The following BAZ2A variants were observed in gnomAD, a reference collection of about 807,000 sequenced individuals.
BAZ2A encodes the protein bromodomain adjacent to zinc finger domain protein 2A.
BAZ2A carries 34 observed loss-of-function variants against 199.9 expected under a neutral mutation model. The observed-to-expected ratio is 0.17, with a 90% confidence interval of 0.13 to 0.23. BAZ2A has a LOEUF of 0.23. Ranked by LOEUF, BAZ2A falls within the 10% of genes least tolerant of loss-of-function variation. BAZ2A has a pLI of 1.00. For synonymous variants in BAZ2A, 857 were observed against 883.9 expected, an observed-to-expected ratio of 0.97 and a Z score of 0.54; for missense variants, 2,002 against 2,391.1, an observed-to-expected ratio of 0.84 and a Z score of 3.39.
chr12:56,630,546 C>T (rs1048913403), upstream of BAZ2A, among the ~76,000 whole-genome samples: 7 of 152,246 alleles, frequency 4.6e-5, no homozygotes, highest in Non-Finnish European at 1.0e-4. Flanking sequence ...ACAGGGCAAA[C>T]TGAAAGGCAT....
In BAZ2A at chr12:56,595,802, C is replaced by G. The variant is rs908488982; in HGVS notation, c.*2816G>C. ...GCACTAATGACCCTTTCCATCCACA[C>G]AGAGGGTATGGAACAGGAGCCCCTG... On this transcript the variant is annotated 3_prime_UTR_variant, in exon 29 of 29. Coordinates refer to ENST00000549884, the MANE Select transcript of BAZ2A (RefSeq NM_001300905.2). 3.3e-5 allele frequency: 5 copies of G among 152,604 alleles called. No individual in the cohort carries two copies. Among genetic ancestry groups the G allele is most frequent in the Non-Finnish European group, 5.9e-5 (4 of 68,052 alleles). 9.5% of individuals were successfully genotyped at this position (152,604 alleles called of 1,614,324 possible).
chr12:56,628,139 A>G (rs1951167680), intron 1 of BAZ2A, among the ~76,000 whole-genome samples: 1 of 137,010 alleles, frequency 7.3e-6, no homozygotes, highest in Non-Finnish European at 1.5e-5. Context: ...ACAAGATCAC[A>G]CCACTCCAGC....
At chr12:56,625,005 C>A (rs1951035425) in intron 1 of BAZ2A, among the ~76,000 whole-genome samples, 1 of 152,146 alleles carries the variant, frequency 6.6e-6, no homozygotes, top group East Asian at 1.9e-4. Context: ...ATTAAAGAAA[C>A]TACAGGTTAA....
At position 56,595,853 on chromosome 12, in the gene BAZ2A, A is replaced by G. The variant is rs1328572042; in HGVS notation, c.*2765T>C. ...TTGTTCCCTTGCCTGTGGTCTCTTAAGCCAGTCATACCTATCCCAACGCCG... is the reference window on the plus strand; with the variant it reads ...TTGTTCCCTTGCCTGTGGTCTCTTAGGCCAGTCATACCTATCCCAACGCCG... On this transcript the variant is annotated 3_prime_UTR_variant, in exon 29 of 29. Coordinates refer to ENST00000549884, the MANE Select transcript of BAZ2A (RefSeq NM_001300905.2). The G allele has an allele frequency of 6.7e-6, 1 of 148,408 alleles. No individual in the cohort carries two copies. The highest frequency in any genetic ancestry group is 1.9e-4 in the East Asian group (1 of 5,182). 9.2% of individuals were successfully genotyped at this position (148,408 alleles called of 1,614,324 possible).
rs758454051 is a variant in BAZ2A at position 56,602,812 on chromosome 12, G to T, written c.3325C>A (p.Leu1109Ile). 1 of 1,613,804 alleles carries T rather than the reference G, an allele frequency of 6.2e-7. No homozygotes were observed. Among genetic ancestry groups the T allele is most frequent in the East Asian group, 2.2e-5 (1 of 44,882 alleles). Residue 1109 changes from leucine to isoleucine, a missense_variant, in exon 19 of 29, where the codon CTT becomes ATT. By Grantham distance (5) the Leu-to-Ile change is conservative. This residue lies in a region of BAZ2A where 1,081 missense variants were observed against 1,274.7 expected (regional missense o/e 0.85). Coordinates refer to ENST00000549884, the MANE Select transcript of BAZ2A (RefSeq NM_001300905.2). ...TCCTGACCCAGGGAGACCGCCCGAA[G>T]CATCTGGGATGAGTGAAGCAGCTTT... ...RKKLLHSSQMLRAVSLGQDRY... is the reference protein window; with the variant it reads ...RKKLLHSSQMIRAVSLGQDRY...
At position 56,596,540 on chromosome 12, in the gene BAZ2A, T is replaced by TC. The variant is rs1565799151; in HGVS notation, c.*2077dup. 1 of 150,934 alleles carries TC rather than the reference T, an allele frequency of 6.6e-6. No homozygotes were observed. Among genetic ancestry groups the TC allele is most frequent in the Non-Finnish European group, 1.5e-5 (1 of 67,726 alleles). 9.3% of individuals were successfully genotyped at this position (150,934 alleles called of 1,614,324 possible). The stretch of plus-strand genomic sequence containing the variant: ...AAAGCAGGAACCATGGAGATTTCAC[T>TC]CCCCCATCCACCTCACAATTTCACT... On this transcript the variant is annotated 3_prime_UTR_variant, in exon 29 of 29. Coordinates refer to ENST00000549884, the MANE Select transcript of BAZ2A (RefSeq NM_001300905.2).
At chr12:56,611,518 G>T (rs560517426) in intron 7 of BAZ2A, 55 bp downstream of exon 7, 1 of 1,534,828 alleles carries the variant, frequency 6.5e-7, no homozygotes, top group Non-Finnish European at 9.0e-7. Context: ...CTTCTTTCTA[G>T]AGTTGTGCAT....
Position 56,611,633 on chromosome 12 carries a change from C to A in BAZ2A, c.1610G>T (p.Gly537Val). ...AGCAATACGTCTCCTCATGACATCA[C>A]CTTGGGAGGAAGGGATACCCAAGTT... ...TGEGLTASGS[G>V]DVMRRRIATP... Residue 537 changes from glycine (G) to valine (V), a missense_variant and splice_region_variant, in exon 7 of 29, where the codon GGT (glycine) becomes GTT (valine). By Grantham distance (109) the Gly-to-Val change is moderately radical. This residue lies in a region of BAZ2A where 641 missense variants were observed against 694.5 expected (regional missense o/e 0.92). Coordinates refer to ENST00000549884, the MANE Select transcript of BAZ2A (RefSeq NM_001300905.2). 1.2e-6 allele frequency: 2 copies of A among 1,600,896 alleles called. No individual in the cohort carries two copies. Among genetic ancestry groups the A allele is most frequent in the Non-Finnish European group, 1.7e-6 (2 of 1,175,772 alleles).
rs1012540863 is a variant in BAZ2A at position 56,597,135 on chromosome 12, C to T, written c.*1483G>A. The T allele has an allele frequency of 6.6e-6, 1 of 152,638 alleles. No homozygotes were observed. The highest frequency in any genetic ancestry group is 1.5e-5 in the Non-Finnish European group (1 of 68,104). The allele number at this position is 152,638 out of a possible 1,614,324, so 9.5% of individuals were successfully genotyped here. On this transcript the variant is annotated 3_prime_UTR_variant, in exon 29 of 29. Transcript: ENST00000549884. Reference sequence around the variant, plus strand: ...AGCTGGGAGTCAGCAGCTTTCCTCTCGTGTTGGGGGCTTAACTTGGACATA... The same window carrying T: ...AGCTGGGAGTCAGCAGCTTTCCTCTTGTGTTGGGGGCTTAACTTGGACATA...
chr12:56,623,235 CAA>C (rs1312635337), intron 1 of BAZ2A, among the ~76,000 whole-genome samples: 2 of 118,854 alleles, frequency 1.7e-5, no homozygotes, highest in African/African-American at 3.2e-5. Context: ...GACTCCATCT[CAA>C]AAAAAAAAAA....
chr12:56,637,577 T>C (rs544620682), upstream of BAZ2A, among the ~76,000 whole-genome samples: 4 of 152,328 alleles, frequency 2.6e-5, no homozygotes, highest in East Asian at 7.7e-4. Context: ...CTAACCAAGA[T>C]GTAGAGAACC....
chr12:56,598,845 G>A (rs754993116), intron 28 of BAZ2A, 23 bp downstream of exon 28: 29 of 1,607,768 alleles, frequency 1.8e-5, no homozygotes, highest in Non-Finnish European at 2.4e-5. Context: ...CAAAGACCGG[G>A]CGGTTCACCC....
In BAZ2A at chr12:56,613,189, T is replaced by C; in HGVS notation, c.961A>G (p.Met321Val). ...GLYGIDDTEL[M>V]GAEDKLPLED... ...AGAGGCAGCTTGTCCTCTGCACCCA[T>C]CAGCTCCGTGTCATCAATACCATAT... Residue 321 changes from methionine (M) to valine (V), a missense_variant, in exon 5 of 29, where the codon ATG (methionine) becomes GTG (valine). This residue lies in a region of BAZ2A where 641 missense variants were observed against 694.5 expected (regional missense o/e 0.92). Transcript: ENST00000549884. The C allele has an allele frequency of 5.0e-6, 8 of 1,614,010 alleles. No homozygotes were observed. The highest frequency in any genetic ancestry group is 2.2e-5 in the East Asian group (1 of 44,888).
At chr12:56,627,551 A>G (rs939691574) in intron 1 of BAZ2A, among the ~76,000 whole-genome samples, 3 of 151,670 alleles carry the variant, frequency 2.0e-5, no homozygotes, top group Non-Finnish European at 4.4e-5. Context: ...TAGGCCGGGC[A>G]TGGTGGCTCA....
Position 56,601,925 on chromosome 12 carries a change from G to T in BAZ2A, c.3692C>A (p.Pro1231His). ...AAGCTGAAGCTGAAGCTGAGGCTGG[G>T]GCTGGGCAGGAGCATGAAGCTGAGC... is the stretch of plus-strand genomic sequence containing the variant. ...PEAQLHAPAQ[P>H]QPQLQLQLQS... Residue 1231 changes from proline (P) to histidine (H), a missense_variant, in exon 20 of 29, where the codon CCC (proline) becomes CAC (histidine). Transcript: ENST00000549884. 1 of 1,590,126 alleles carries T rather than the reference G, an allele frequency of 6.3e-7. No individual in the cohort carries two copies. The highest frequency in any genetic ancestry group is 8.6e-7 in the Non-Finnish European group (1 of 1,167,900).
intron 1 of BAZ2A, 54 bp from the exon 2 acceptor site, chr12:56,617,586 G>A: frequency 6.5e-7 from 1 of 1,541,830 alleles, no homozygotes; most frequent in South Asian, 1.2e-5. Context: ...ACAAGGTTAT[G>A]TCACCTGGAA....
rs1950757945 is a variant in BAZ2A, at chr12:56,617,411, G to A, written c.120C>T (p.Phe40=). Residue 40 remains phenylalanine (F), a synonymous_variant, in exon 2 of 29, where the codon TTC becomes TTT. Coordinates refer to ENST00000549884, the MANE Select transcript of BAZ2A (RefSeq NM_001300905.2). ...CACACTCACTTTTCCCTTGCTGGGG[G>A]AAGTTCATGGGAGACCCGTTAGTGT... ...GLYTNGSPMN[F]PQQGKSLNGD... is the part of the protein sequence containing the mutation. 1.9e-6 allele frequency: 3 copies of A among 1,600,824 alleles called. No individual in the cohort carries two copies. The highest frequency in any genetic ancestry group is 2.6e-6 in the Non-Finnish European group (3 of 1,173,878).
chr12:56,614,554 C>CT (rs1950657844), intron 3 of BAZ2A, among the ~76,000 whole-genome samples: 1 of 152,172 alleles, frequency 6.6e-6, no homozygotes, highest in Non-Finnish European at 1.5e-5. Context: ...AAAAAGGAAA[C>CT]TGAGTAGACA....
At chr12:56,636,152 GC>G in intron 1 of BAZ2A, 3 of 1,581,630 alleles carry the variant, frequency 1.9e-6, no homozygotes, top group Non-Finnish European at 2.6e-6. Flanking sequence ...CATCCCTCAG[GC>G]CTTCCCCGGG....
Sources: allele counts gnomAD v4.1 joint callset (sites outside exome capture counted in the v4.1 genomes callset), GRCh38; gene constraint gnomAD v4.1.1; regional missense constraint gnomAD v4.1.1; transcripts MANE v1.5; gene names NCBI Gene and HGNC (gene_info 2026-07-23, HGNC 2026-07-21).